Variants in TERF1 observed in about 807,000 individuals in gnomAD.
TERF1 encodes the protein telomeric repeat binding factor 1.
A neutral mutation model predicts 55.1 loss-of-function variants in TERF1; 20 were observed. That is an observed-to-expected ratio of 0.36 (90% CI 0.26 to 0.53). The LOEUF (loss-of-function observed/expected upper bound fraction) is 0.53. Among genes scored for constraint, TERF1 ranks in the 20% least tolerant of loss-of-function variants. TERF1 has a pLI of 0.91. For synonymous variants in TERF1, 168 were observed against 181.2 expected (o/e 0.93, Z 0.59); for missense variants, 439 against 535.7 (o/e 0.82, Z 1.78).
chr8:73,013,721 G>A, intron 1 of TERF1, 174 bp from the exon 2 acceptor site: 1 of 567,474 alleles, frequency 1.8e-6, no homozygotes, highest in South Asian at 2.2e-5. Context: ...TGTAAGAAAT[G>A]TCTTCATTGC....
chr8:73,016,144 T>A (rs890534392), intron 2 of TERF1, among the ~76,000 whole-genome samples: 8 of 152,200 alleles, frequency 5.3e-5, no homozygotes, highest in Non-Finnish European at 7.3e-5. Context: ...TGAGATATTT[T>A]ACCTTTTTTT....
At chr8:73,036,467 A>T (rs1425498829) in intron 8 of TERF1, among the ~76,000 whole-genome samples, 3 of 152,162 alleles carry the variant, frequency 2.0e-5, no homozygotes, top group Admixed American at 6.5e-5. Flanking sequence ...TTAACAATAG[A>T]TGATTTTGCA....
intron 9 of TERF1, among the ~76,000 whole-genome samples, chr8:73,045,400 A>G (rs1164492909): frequency 2.6e-5 from 4 of 152,230 alleles, no homozygotes; most frequent in Admixed American, 1.3e-4. Flanking sequence ...TTTTCTGTGT[A>G]TAGTATTAAA....
At chr8:73,036,900 A>G (rs905623442) in intron 8 of TERF1, among the ~76,000 whole-genome samples, 11 of 144,162 alleles carry the variant, frequency 7.6e-5, no homozygotes, top group African/African-American at 2.8e-4. Context: ...TTAATTTCCA[A>G]ATATCTTTCT....
rs1489183308 is a variant in TERF1 at position 73,013,314 on chromosome 8, A to G, written c.320-581A>G. Among the ~76,000 whole-genome samples the G allele has an allele frequency of 2.6e-5, 4 of 152,178 alleles. No individual in the cohort carries two copies. The East Asian group carries it at 5.8e-4, about 22-fold the overall frequency. On this transcript the variant is annotated intron_variant, in intron 1 of 9. Coordinates refer to ENST00000276603, the MANE Select transcript of TERF1 (RefSeq NM_017489.3). ...GTTATATGCTTCCAAAGCATTCTGT[A>G]CTTGTCTTTTTAAAGTTTTCACAAC...
intron 3 of TERF1, 81 bp from the exon 4 acceptor site, chr8:73,022,135 C>CT: frequency 1.2e-6 from 1 of 805,148 alleles, no homozygotes; most frequent in Non-Finnish European, 2.0e-6. Context: ...GGATTTCAGA[C>CT]TTACCTGAGT....
intron 5 of TERF1, among the ~76,000 whole-genome samples, chr8:73,026,197 C>CA (rs529686071): frequency 2.0e-3 from 241 of 122,818 alleles, no homozygotes; most frequent in African/African-American, 6.4e-3. Context: ...AGACTTGTCT[C>CA]AAAAAAAAAC....
In TERF1 at chr8:73,026,897, T is replaced by C. The variant is rs775123095; in HGVS notation, c.775-43T>C. On this transcript the variant is annotated intron_variant, in intron 5 of 9. Coordinates refer to ENST00000276603, the MANE Select transcript of TERF1 (RefSeq NM_017489.3). ...ATGCTATTTGTTTAAAATGGCTTAA[T>C]GCATTTCTTCCTATCCTTCTACCTC... The C allele has an allele frequency of 2.1e-6, 3 of 1,429,070 alleles. No individual in the cohort carries two copies. The African/African-American group carries it at 4.2e-5, about 20-fold the overall frequency. 88.5% of individuals were successfully genotyped at this position (1,429,070 alleles called of 1,614,324 possible).
chr8:73,022,066 A>G, intron 3 of TERF1, 150 bp from the exon 4 acceptor site: 1 of 499,722 alleles, frequency 2.0e-6, no homozygotes, highest in African/African-American at 2.1e-5. Context: ...TTTGAAAAAT[A>G]ATTTTATATC....
Position 73,046,289 on chromosome 8 carries a change from A to G in TERF1, c.*152A>G, listed in dbSNP as rs546071163. On this transcript the variant is annotated 3_prime_UTR_variant, in exon 10 of 10. Transcript: ENST00000276603. Reference sequence around the variant, plus strand: ...TCAATTAATGAGGGTTTGTGCTACCAGAGTTAAAGCATATGCTATCATTGT... The same window carrying G: ...TCAATTAATGAGGGTTTGTGCTACCGGAGTTAAAGCATATGCTATCATTGT... 41 of 553,962 alleles carry G rather than the reference A, an allele frequency of 7.4e-5. No homozygotes were observed. Among genetic ancestry groups the G allele is most frequent in the Non-Finnish European group, 1.2e-4 (40 of 334,410 alleles). The allele number at this position is 553,962 out of a possible 1,614,324, so 34.3% of individuals were successfully genotyped here. A position where few individuals can be genotyped will look rare whatever the true frequency, so the allele number is the denominator to read the frequency against.
chr8:73,020,936 T>C (rs532730932), intron 3 of TERF1, 131 bp downstream of exon 3: 1 of 658,358 alleles, frequency 1.5e-6, no homozygotes, highest in Admixed American at 3.2e-5. Flanking sequence ...ATTTGACCTT[T>C]GGTTTATAGT....
chr8:73,032,647 A>G (rs1809337721), intron 8 of TERF1, among the ~76,000 whole-genome samples: 1 of 152,164 alleles, frequency 6.6e-6, no homozygotes, highest in Non-Finnish European at 1.5e-5. Context: ...AAAATCACCC[A>G]ACGCCCCATT....
intron 7 of TERF1, chr8:73,030,632 A>G (rs926031260): frequency 2.9e-6 from 1 of 347,178 alleles, no homozygotes; most frequent in Admixed American, 4.7e-5. Flanking sequence ...GAATACACAT[A>G]TAGGGAGTTC....
rs541561859 is a variant in TERF1, at chr8:73,037,755, ATAT to A, written c.1040-1357_1040-1355del. Among the ~76,000 whole-genome samples the A allele has an allele frequency of 3.3e-3, 257 of 76,948 alleles. 3 individuals are homozygous for A. The highest frequency in any genetic ancestry group is 0.011 in the African/African-American group (176 of 16,086). 50.5% of individuals were successfully genotyped at this position (76,948 alleles called of 152,430 possible). ...TAGTATGAAATATATATTATATATA[ATAT>A]TATATAGTATAATATATATATTATA... On this transcript the variant is annotated intron_variant, in intron 8 of 9. Coordinates refer to ENST00000276603, the MANE Select transcript of TERF1 (RefSeq NM_017489.3).
chr8:73,044,215 G>A (rs1270504981), intron 9 of TERF1, among the ~76,000 whole-genome samples: 3 of 152,146 alleles, frequency 2.0e-5, no homozygotes, highest in Non-Finnish European at 4.4e-5. Context: ...TTTGTCTAGC[G>A]ATTGAATAGC....
chr8:73,025,752 CTCA>C (rs1237492342), intron 5 of TERF1, among the ~76,000 whole-genome samples: 1 of 66,070 alleles, frequency 1.5e-5, no homozygotes, highest in Non-Finnish European at 2.7e-5. Context: ...GAGACTCTGT[CTCA>C]AAAAAAAAAA....
At chr8:73,036,240 A>ATCATGTTGTGGTTTCC (rs1175098905) in intron 8 of TERF1, among the ~76,000 whole-genome samples, 1 of 152,216 alleles carries the variant, frequency 6.6e-6, no homozygotes, top group African/African-American at 2.4e-5. Context: ...TGGCCTGGTC[A>ATCATGTTGTGGTTTCC]TCATGTTGTG....
chr8:73,017,823 C>G lies in TERF1; in HGVS notation c.416-2861C>G, dbSNP rs576868798. Among the ~76,000 whole-genome samples, 23 of 152,174 alleles carry G rather than the reference C, an allele frequency of 1.5e-4. No individual in the cohort carries two copies. In the East Asian group the frequency reaches 4.1e-3, roughly 27 times the overall value. On this transcript the variant is annotated intron_variant, in intron 2 of 9. Transcript: ENST00000276603. ...GTTCAAGCGATTCTTCTGCCTCAGCCTCATGAGTAGCTGGGACTACAGGCG... is the reference window on the plus strand; with the variant it reads ...GTTCAAGCGATTCTTCTGCCTCAGCGTCATGAGTAGCTGGGACTACAGGCG...
chr8:73,043,856 T>C (rs1481069908), intron 9 of TERF1, among the ~76,000 whole-genome samples: 1 of 152,216 alleles, frequency 6.6e-6, no homozygotes, highest in Non-Finnish European at 1.5e-5. Context: ...AACCACAAAC[T>C]ACTTTTTAAA....
Sources: allele counts gnomAD v4.1 joint callset (sites outside exome capture counted in the v4.1 genomes callset), GRCh38; gene constraint gnomAD v4.1.1; transcripts MANE v1.5; gene names NCBI Gene and HGNC (gene_info 2026-07-23, HGNC 2026-07-21).